Variants in CCL24 observed in about 807,000 individuals in gnomAD.
CCL24 encodes C-C motif chemokine 24.
Under a neutral mutation model 8.6 loss-of-function variants are expected in CCL24, and 6 were observed. That is an observed-to-expected ratio of 0.70 (90% CI 0.38 to 1.38). The LOEUF is 1.38. Ranked by LOEUF, CCL24 falls within the 40% of genes most tolerant of loss-of-function variation. The pLI, the probability that CCL24 is intolerant of heterozygous loss-of-function variation, is 0.02. For synonymous variants in CCL24, 59 were observed against 52.7 expected (o/e 1.12, Z -0.52); for missense variants, 126 against 147.1 (o/e 0.86, Z 0.74).
chr7:75,816,716 C>T (rs782057879), upstream of CCL24, among the ~76,000 whole-genome samples: 2 of 151,686 alleles, frequency 1.3e-5, no homozygotes, highest in Admixed American at 6.6e-5. Flanking sequence ...CACCCACCAT[C>T]GTGTCTTGCT....
chr7:75,812,906 G>C (rs1554533588), intron 2 of CCL24, among the ~76,000 whole-genome samples: 1 of 151,676 alleles, frequency 6.6e-6, no homozygotes, highest in Non-Finnish European at 1.5e-5. Flanking sequence ...CTCCAGCTTG[G>C]GTGATAGAGA....
At chr7:75,813,220 G>A (rs1803812068) in intron 2 of CCL24, 86 bp downstream of exon 2, 2 of 754,592 alleles carry the variant, frequency 2.7e-6, no homozygotes, top group Admixed American at 3.8e-5. Flanking sequence ...CACAGAGCTG[G>A]GGCTGGCTGA....
At chr7:75,819,336 A>T (rs868990324) in intron 1 of CCL24, among the ~76,000 whole-genome samples, 1 of 97,952 alleles carries the variant, frequency 1.0e-5, no homozygotes, top group African/African-American at 3.9e-5. Context: ...ATATATATAT[A>T]TTCATAGGCT....
chr7:75,818,814 G>A (rs73144162), intron 1 of CCL24, among the ~76,000 whole-genome samples: 5 of 151,892 alleles, frequency 3.3e-5, no homozygotes, highest in African/African-American at 4.8e-5. Flanking sequence ...GAGAAGTAGC[G>A]TGTTGGCCAG....
At chr7:75,814,397 C>A (rs1306691409), upstream of CCL24, among the ~76,000 whole-genome samples, 2 of 152,012 alleles carry the variant, frequency 1.3e-5, no homozygotes, top group Non-Finnish European at 2.9e-5. Context: ...AAGACCCTAT[C>A]TCTATAAAAA....
At chr7:75,817,817 T>TTATGCTCTATACAGGGAAA, upstream of CCL24, among the ~76,000 whole-genome samples, 2 of 149,472 alleles carry the variant, frequency 1.3e-5, no homozygotes, top group African/African-American at 4.9e-5. Context: ...CACCCAATGT[T>TTATGCTCTATACAGGGAAA]TTGTTGCTGT....
chr7:75,816,045 G>A (rs538188280), upstream of CCL24, among the ~76,000 whole-genome samples: 10 of 152,288 alleles, frequency 6.6e-5, no homozygotes, highest in South Asian at 2.1e-3. Context: ...CATAGTGGGA[G>A]CACAGTGGTA....
chr7:75,820,049 C>CTTCTTA (rs1803997106), intron 1 of CCL24, among the ~76,000 whole-genome samples: 1 of 139,000 alleles, frequency 7.2e-6, no homozygotes, highest in Admixed American at 8.1e-5. Flanking sequence ...TCTTCTTCTT[C>CTTCTTA]TTCTTCTTCT....
chr7:75,820,390 A>G (rs113800649), intron 1 of CCL24, among the ~76,000 whole-genome samples: 4 of 152,112 alleles, frequency 2.6e-5, no homozygotes, highest in African/African-American at 9.6e-5. Context: ...CATGTTGGCC[A>G]GACTGGTCTC....
chr7:75,820,750 T>C (rs1362514982), intron 1 of CCL24, among the ~76,000 whole-genome samples: 2 of 147,666 alleles, frequency 1.4e-5, no homozygotes, highest in Non-Finnish European at 3.0e-5. Context: ...CACCCATGCA[T>C]CCACCCCTCC....
At position 75,820,029 on chromosome 7, in the gene CCL24, T is replaced by G. The variant is rs1288600286; in HGVS notation, c.-60+3293A>C. Among the ~76,000 whole-genome samples the G allele has an allele frequency of 7.6e-4, 92 of 121,500 alleles. 1 individual carries two copies. The highest frequency in any genetic ancestry group is 1.7e-3 in the African/African-American group (58 of 34,242). The allele number at this position is 121,500 out of a possible 152,430, so 79.7% of individuals were successfully genotyped here. On this transcript the variant is annotated intron_variant, in intron 1 of 3. Transcript: ENST00000416943. ...GCTTTTAGTAAACTACTTCTTCTTC[T>G]TCTTCTTCTTCTTCTTCTTCTTCTT... is the stretch of plus-strand genomic sequence containing the variant.
chr7:75,813,876 G>T (rs577936409), upstream of CCL24: 35 of 553,236 alleles, frequency 6.3e-5, no homozygotes, highest in Non-Finnish European at 1.0e-4. Context: ...CCCCCTCCAC[G>T]CTTCCTTGAA....
chr7:75,813,852 AAC>A (rs1803830467), upstream of CCL24: 11 of 622,152 alleles, frequency 1.8e-5, no homozygotes, highest in South Asian at 1.9e-4. Flanking sequence ...ACTAGAAGGA[AAC>A]ACGCCCCCGA....
chr7:75,821,951 A>T (rs1804060277), intron 1 of CCL24, among the ~76,000 whole-genome samples: 1 of 151,356 alleles, frequency 6.6e-6, no homozygotes, highest in Non-Finnish European at 1.5e-5. Flanking sequence ...AAGAAAACAA[A>T]ATTAGCCAGG....
chr7:75,813,540 C>A (rs1563350711), intron 1 of CCL24, 103 bp downstream of exon 1: 1 of 1,282,550 alleles, frequency 7.8e-7, no homozygotes, highest in African/African-American at 1.5e-5. Context: ...CTGGGCCACC[C>A]TTTCCCCAGC....
At chr7:75,814,800 C>T (rs1803852786), upstream of CCL24, among the ~76,000 whole-genome samples, 1 of 152,052 alleles carries the variant, frequency 6.6e-6, no homozygotes, top group African/African-American at 2.4e-5. Flanking sequence ...GGGATGCCGA[C>T]TCCAGATCCA....
intron 1 of CCL24, among the ~76,000 whole-genome samples, chr7:75,820,166 T>G (rs566399353): frequency 1.2e-5 from 1 of 86,626 alleles, no homozygotes; most frequent in African/African-American, 4.1e-5. Flanking sequence ...TCCTTCTCCT[T>G]CTCCTTCTCC....
intron 2 of CCL24, 25 bp downstream of exon 2, chr7:75,813,281 C>T: frequency 7.0e-7 from 1 of 1,421,664 alleles, no homozygotes; most frequent in Non-Finnish European, 9.9e-7. Flanking sequence ...CCCTCTCCTG[C>T]CACGTGCCCA....
chr7:75,816,030 A>G (rs1803882962), upstream of CCL24, among the ~76,000 whole-genome samples: 2 of 152,144 alleles, frequency 1.3e-5, no homozygotes, highest in Admixed American at 1.3e-4. Context: ...AGACCCACAC[A>G]GTGGCATAGT....
Sources: allele counts gnomAD v4.1 joint callset (sites outside exome capture counted in the v4.1 genomes callset), GRCh38; gene constraint gnomAD v4.1.1; transcripts MANE v1.5; gene names NCBI Gene and HGNC (gene_info 2026-07-23, HGNC 2026-07-21).